The following LGSN variants were observed in gnomAD, a reference collection of about 807,000 sequenced individuals.
The protein encoded by LGSN is lengsin, lens protein with glutamine synthetase domain, also known as lengsin.
A neutral mutation model predicts 19.5 loss-of-function variants in LGSN; 21 were observed. The ratio of observed to expected loss-of-function variants is 1.07; its 90% CI spans 0.76 to 1.55. The LOEUF is 1.55. LGSN is among the 40% of genes most tolerant of loss of function. The probability of loss-of-function intolerance (pLI) is 0.00; values close to 1 mark genes in which losing one functional copy is unlikely to be tolerated. For missense variants in LGSN, 673 were observed against 608.5 expected (o/e 1.11, Z -1.12); for synonymous variants, 257 against 215.6 (o/e 1.19, Z -1.68).
intron 2 of LGSN, among the ~76,000 whole-genome samples, chr6:63,290,054 C>A (rs1207130146): frequency 6.7e-6 from 1 of 148,914 alleles, no homozygotes; most frequent in Non-Finnish European, 1.5e-5. Flanking sequence ...GGGGGCTTTT[C>A]TTTGAAAAAA....
chr6:63,433,196 A>T, the LGSN span, among the ~76,000 whole-genome samples: 1 of 152,128 alleles, frequency 6.6e-6, no homozygotes, highest in Admixed American at 6.6e-5. Flanking sequence ...AAATAAAATT[A>T]TTGCTCTAAA....
chr6:63,298,262 T>G (rs1768055664), intron 1 of LGSN, among the ~76,000 whole-genome samples: 1 of 152,210 alleles, frequency 6.6e-6, no homozygotes, highest in Non-Finnish European at 1.5e-5. Context: ...TCTCTCAGAT[T>G]ATGGAGATCC....
chr6:63,549,303 A>G, the LGSN span: 2 of 753,814 alleles, frequency 2.7e-6, no homozygotes, highest in East Asian at 2.5e-5. Context: ...CTTACAGAGG[A>G]TGGCTCTCTG....
At chr6:63,366,033 CA>C in the LGSN span, among the ~76,000 whole-genome samples, 8 of 152,148 alleles carry the variant, frequency 5.3e-5, no homozygotes, top group Non-Finnish European at 1.2e-4. Flanking sequence ...TGGCACAAGA[CA>C]GGGATGCCCT....
chr6:63,368,308 G>A, the LGSN span, among the ~76,000 whole-genome samples: 1 of 152,034 alleles, frequency 6.6e-6, no homozygotes, highest in Non-Finnish European at 1.5e-5. Flanking sequence ...AATCTCTTAC[G>A]GCACCCTCCT....
At chr6:63,290,206 G>A (rs953617263) in intron 2 of LGSN, among the ~76,000 whole-genome samples, 1 of 152,110 alleles carries the variant, frequency 6.6e-6, no homozygotes, top group Non-Finnish European at 1.5e-5. Context: ...TAGTACTGAA[G>A]GCCTATAGAG....
chr6:63,281,582 C>T lies in LGSN; in HGVS notation c.331-362G>A, dbSNP rs151260702. 4.1e-3 allele frequency among the ~76,000 whole-genome samples: 630 copies of T among 151,990 alleles called. 7 individuals carry two copies. Among genetic ancestry groups the T allele is most frequent in the African/African-American group, 0.014 (597 of 41,484 alleles). ...TGGAATTATTTGAAATTATCATCAT[C>T]AAAAGTGCTTCCTGAAGTACAGTTG... On this transcript the variant is annotated intron_variant, in intron 3 of 3. Coordinates refer to ENST00000370657, the MANE Select transcript of LGSN (RefSeq NM_016571.3).
the LGSN span, among the ~76,000 whole-genome samples, chr6:63,444,212 T>C: frequency 6.6e-6 from 1 of 151,740 alleles, no homozygotes; most frequent in Non-Finnish European, 1.5e-5. Context: ...TAGTATGTTA[T>C]CTCTTTTTCA....
the LGSN span, among the ~76,000 whole-genome samples, chr6:63,501,177 C>A: frequency 6.6e-6 from 1 of 151,832 alleles, no homozygotes; most frequent in African/African-American, 2.4e-5. Context: ...TTCGAGACTA[C>A]CCTGGCCAAA....
At chr6:63,564,491 T>C in the LGSN span, among the ~76,000 whole-genome samples, 1 of 152,188 alleles carries the variant, frequency 6.6e-6, no homozygotes, top group Non-Finnish European at 1.5e-5. Flanking sequence ...CAGGAAATTG[T>C]TCAACAACAT....
upstream of LGSN, among the ~76,000 whole-genome samples, chr6:63,322,129 T>C (rs533304371): frequency 1.3e-5 from 2 of 152,298 alleles, no homozygotes; most frequent in South Asian, 4.1e-4. Context: ...TTCTGATGAA[T>C]TATTGAACAG....
At chr6:63,425,127 C>G in the LGSN span, among the ~76,000 whole-genome samples, 368 of 152,220 alleles carry the variant, frequency 2.4e-3, 3 homozygotes, top group Admixed American at 0.019. Context: ...CACTAAATGC[C>G]AGCAAGAATA....
chr6:63,283,847 C>T (rs976436176), intron 3 of LGSN, among the ~76,000 whole-genome samples: 2 of 151,986 alleles, frequency 1.3e-5, no homozygotes, highest in African/African-American at 4.8e-5. Context: ...TTACAGGCCC[C>T]TGCCACCAGG....
chr6:63,451,335 C>A, the LGSN span, among the ~76,000 whole-genome samples: 37 of 152,276 alleles, frequency 2.4e-4, no homozygotes, highest in African/African-American at 8.7e-4. Flanking sequence ...GACATTAATT[C>A]AACATAAATG....
chr6:63,564,274 T>TC, the LGSN span, among the ~76,000 whole-genome samples: 1 of 133,162 alleles, frequency 7.5e-6, no homozygotes, highest in Non-Finnish European at 1.6e-5. Context: ...AGACTCTGTC[T>TC]CAAAAAAAAA....
chr6:63,390,720 G>A, the LGSN span, among the ~76,000 whole-genome samples: 139 of 151,496 alleles, frequency 9.2e-4, 9 homozygotes, highest in Non-Finnish European at 4.4e-5. Flanking sequence ...GTAGCCGGGC[G>A]AGGTGGCGGG....
chr6:63,328,561 A>C, the LGSN span, among the ~76,000 whole-genome samples: 1 of 152,192 alleles, frequency 6.6e-6, no homozygotes, highest in Non-Finnish European at 1.5e-5. Context: ...CCACTGCTGC[A>C]ACTACCCTTA....
chr6:63,291,496 C>A (rs1767767532), intron 2 of LGSN, among the ~76,000 whole-genome samples: 1 of 152,122 alleles, frequency 6.6e-6, no homozygotes, highest in South Asian at 2.1e-4. Flanking sequence ...CCTCTCCGAC[C>A]GTCCCCAGCT....
the LGSN span, among the ~76,000 whole-genome samples, chr6:63,418,011 T>C: frequency 6.6e-6 from 1 of 152,170 alleles, no homozygotes; most frequent in Non-Finnish European, 1.5e-5. Context: ...TTTAACTATA[T>C]GGAGATAAAC....
Sources: allele counts gnomAD v4.1 joint callset (sites outside exome capture counted in the v4.1 genomes callset), GRCh38; gene constraint gnomAD v4.1.1; transcripts MANE v1.5; gene names NCBI Gene and HGNC (gene_info 2026-07-23, HGNC 2026-07-21).